Variants in KIAA1217 observed in about 807,000 individuals in gnomAD.
KIAA1217 encodes the protein sickle tail protein homolog.
KIAA1217 carries 88 observed loss-of-function variants against 163.9 expected under a neutral mutation model. The observed-to-expected ratio is 0.54, with a 90% CI of 0.45 to 0.64. KIAA1217 has a LOEUF of 0.64. KIAA1217 is among the 30% of genes least tolerant of loss of function. The probability of loss-of-function intolerance (pLI) is 0.00; values close to 1 mark genes in which losing one functional copy is unlikely to be tolerated. For missense variants in KIAA1217, 2,372 were observed against 2,475.0 expected, an observed-to-expected ratio of 0.96 and a Z score of 0.88; for synonymous variants, 903 against 923.1, an observed-to-expected ratio of 0.98 and a Z score of 0.39.
At chr10:24,003,744 G>A (rs1280606192) in intron 1 of KIAA1217, among the ~76,000 whole-genome samples, 2 of 152,294 alleles carry the variant, frequency 1.3e-5, no homozygotes, top group Middle Eastern at 3.4e-3. Context: ...ATCACAGAAT[G>A]TTTCTATAAT....
At chr10:23,905,889 G>A (rs748751010) in intron 1 of KIAA1217, among the ~76,000 whole-genome samples, 3 of 152,118 alleles carry the variant, frequency 2.0e-5, no homozygotes, top group Non-Finnish European at 2.9e-5. Context: ...GAAAATACCT[G>A]AGAAATAGCC....
intron 1 of KIAA1217, among the ~76,000 whole-genome samples, chr10:23,736,831 T>C (rs1402010343): frequency 6.6e-6 from 1 of 152,168 alleles, no homozygotes; most frequent in East Asian, 1.9e-4. Flanking sequence ...CGGCCTATAA[T>C]AAGTTTTGAG....
intron 1 of KIAA1217, among the ~76,000 whole-genome samples, chr10:23,934,625 A>ATATACGTATATATATATATATTT (rs1554826424): frequency 1.5e-5 from 1 of 68,548 alleles, no homozygotes; most frequent in African/African-American, 9.2e-5. Flanking sequence ...ATATATATAT[A>ATATACGTATATATATATATATTT]TTTTTTTTTT....
chr10:23,768,158 G>A (rs1834625437), intron 1 of KIAA1217, among the ~76,000 whole-genome samples: 1 of 152,202 alleles, frequency 6.6e-6, no homozygotes, highest in African/African-American at 2.4e-5. Flanking sequence ...TGCAAGAGCT[G>A]GCCAATACGA....
intron 2 of KIAA1217, among the ~76,000 whole-genome samples, chr10:24,289,587 A>C (rs948364134): frequency 1.3e-5 from 2 of 152,152 alleles, no homozygotes; most frequent in African/African-American, 4.8e-5. Flanking sequence ...TCCAACAAAG[A>C]TCTTCCACTG....
At chr10:23,925,384 T>C (rs1842982908) in intron 1 of KIAA1217, among the ~76,000 whole-genome samples, 1 of 152,044 alleles carries the variant, frequency 6.6e-6, no homozygotes, top group African/African-American at 2.4e-5. Context: ...TTCATTCTAG[T>C]GGAGAGACAT....
intron 2 of KIAA1217, among the ~76,000 whole-genome samples, chr10:24,063,921 C>G (rs1205404221): frequency 6.6e-6 from 1 of 152,156 alleles, no homozygotes; most frequent in Non-Finnish European, 1.5e-5. Context: ...TGGGAGTTCA[C>G]TCATGATTTG....
intron 2 of KIAA1217, among the ~76,000 whole-genome samples, chr10:24,377,751 A>T (rs1011848906): frequency 6.6e-6 from 1 of 152,212 alleles, no homozygotes; most frequent in East Asian, 1.9e-4. Flanking sequence ...AACTATGATT[A>T]TGGAAATAAG....
At chr10:24,211,361 C>CTTTTTTT (rs1201397959) in intron 1 of KIAA1217, among the ~76,000 whole-genome samples, 3 of 60,200 alleles carry the variant, frequency 5.0e-5, no homozygotes, top group African/African-American at 2.0e-4. Context: ...GGTGGGACTA[C>CTTTTTTT]TTTTTTTTTT....
At chr10:24,170,078 A>G (rs1322907946) in intron 2 of KIAA1217, among the ~76,000 whole-genome samples, 4 of 152,220 alleles carry the variant, frequency 2.6e-5, no homozygotes, top group African/African-American at 7.2e-5. Flanking sequence ...TAAAGACACT[A>G]TTGGTTGTGA....
intron 5 of KIAA1217, among the ~76,000 whole-genome samples, chr10:24,464,130 A>G (rs919588437): frequency 1.9e-4 from 29 of 152,264 alleles, no homozygotes; most frequent in Middle Eastern, 6.8e-3. Context: ...TGTCTGGTTC[A>G]TTAGCAGGTA....
intron 1 of KIAA1217, among the ~76,000 whole-genome samples, chr10:23,903,209 G>A (rs796648859): frequency 1.3e-5 from 2 of 151,844 alleles, no homozygotes; most frequent in South Asian, 2.1e-4. Flanking sequence ...TTCCATTTTT[G>A]GTATTTCTTT....
chr10:23,833,709 C>T (rs1838321036), intron 1 of KIAA1217, among the ~76,000 whole-genome samples: 1 of 151,710 alleles, frequency 6.6e-6, no homozygotes, highest in African/African-American at 2.4e-5. Flanking sequence ...GGGCCTATTT[C>T]CATTCAATAT....
At chr10:24,385,264 G>A (rs2053854338) in intron 3 of KIAA1217, among the ~76,000 whole-genome samples, 1 of 152,198 alleles carries the variant, frequency 6.6e-6, no homozygotes, top group Non-Finnish European at 1.5e-5. Context: ...ACTTGAATAA[G>A]TCCTCATTTC....
intron 3 of KIAA1217, among the ~76,000 whole-genome samples, chr10:24,398,194 T>TAAA (rs1236583918): frequency 5.9e-5 from 9 of 152,230 alleles, no homozygotes; most frequent in Non-Finnish European, 1.2e-4. Flanking sequence ...ACTGTATTTT[T>TAAA]ACCATAAAGT....
intron 2 of KIAA1217, among the ~76,000 whole-genome samples, chr10:24,309,095 C>T (rs1203910551): frequency 8.1e-6 from 1 of 123,322 alleles, no homozygotes; most frequent in Non-Finnish European, 1.6e-5. Context: ...TGCACTGCAG[C>T]CTGGGTGACA....
intron 2 of KIAA1217, among the ~76,000 whole-genome samples, chr10:24,162,195 C>G (rs2065150833): frequency 6.6e-6 from 1 of 152,184 alleles, no homozygotes; most frequent in Admixed American, 6.5e-5. Context: ...AAACTTGTAA[C>G]AGGGCAGGGA....
At chr10:24,412,082 G>A (rs1265296977) in intron 3 of KIAA1217, among the ~76,000 whole-genome samples, 2 of 151,788 alleles carry the variant, frequency 1.3e-5, no homozygotes, top group Non-Finnish European at 2.9e-5. Context: ...AAAAGTTGTT[G>A]TGTTTGCAGA....
chr10:24,478,161 A>G lies in KIAA1217; in HGVS notation c.1679+4101A>G, dbSNP rs368806632. On this transcript the variant is annotated intron_variant, in intron 6 of 20. Transcript: ENST00000376454. ...GCTGTTCTGAAGAGCACTTCAATAT[A>G]GTAGCCCAAATAACTGTGGGATGTT... Among the ~76,000 whole-genome samples the G allele has an allele frequency of 1.4e-4, 21 of 152,164 alleles. 1 individual carries two copies. Among genetic ancestry groups the G allele is most frequent in the East Asian group, 1.2e-3 (6 of 5,200 alleles).
Sources: allele counts gnomAD v4.1 joint callset (sites outside exome capture counted in the v4.1 genomes callset), GRCh38; gene constraint gnomAD v4.1.1; transcripts MANE v1.5; gene names NCBI Gene and HGNC (gene_info 2026-07-23, HGNC 2026-07-21).